The following FAM120A variants were observed in gnomAD, a reference collection of about 807,000 sequenced individuals.
The protein encoded by FAM120A is family with sequence similarity 120 member A.
A neutral mutation model predicts 109.7 loss-of-function variants in FAM120A; 15 were observed. The ratio of observed to expected loss-of-function variants is 0.14; its 90% CI spans 0.09 to 0.21. FAM120A has a LOEUF of 0.21. Ranked by LOEUF, FAM120A falls within the 10% of genes least tolerant of loss-of-function variation. FAM120A has a pLI of 1.00. For synonymous variants in FAM120A, 493 were observed against 572.8 expected, an observed-to-expected ratio of 0.86 and a Z score of 1.99; for missense variants, 899 against 1,439.3, an observed-to-expected ratio of 0.62 and a Z score of 6.07.
chr9:93,526,391 T>TA (rs1181053084), intron 7 of FAM120A, among the ~76,000 whole-genome samples: 2 of 152,212 alleles, frequency 1.3e-5, no homozygotes, highest in Non-Finnish European at 2.9e-5. Context: ...TCAGTTTTTT[T>TA]AAATGCTCAT....
intron 5 of FAM120A, among the ~76,000 whole-genome samples, chr9:93,510,161 T>C (rs530129105): frequency 1.3e-5 from 2 of 152,338 alleles, no homozygotes; most frequent in African/African-American, 4.8e-5. Context: ...ATTGGATTCT[T>C]CTGCTGGTGC....
rs185747800 is a variant in FAM120A, at chr9:93,507,370, A to G, written c.1031-8297A>G. Among the ~76,000 whole-genome samples the G allele has an allele frequency of 1.5e-3, 229 of 152,312 alleles. No individual in the cohort carries two copies. In the Middle Eastern group the frequency reaches 0.031, roughly 20 times the overall value. On this transcript the variant is annotated intron_variant, in intron 5 of 17. Transcript: ENST00000277165. Reference sequence around the variant, plus strand: ...AGCAGCTCAGGTGAGGATGCCATTAATGAGATAAAGATGGTTGGAGGAAGA... The same window carrying G: ...AGCAGCTCAGGTGAGGATGCCATTAGTGAGATAAAGATGGTTGGAGGAAGA...
intron 5 of FAM120A, among the ~76,000 whole-genome samples, chr9:93,512,686 C>G (rs1166858988): frequency 6.6e-6 from 1 of 152,204 alleles, no homozygotes; most frequent in Non-Finnish European, 1.5e-5. Context: ...TTCTGCTCAG[C>G]TGCACTTGGG....
At chr9:93,485,379 T>C (rs986863380) in intron 3 of FAM120A, among the ~76,000 whole-genome samples, 1 of 152,008 alleles carries the variant, frequency 6.6e-6, no homozygotes, top group Non-Finnish European at 1.5e-5. Flanking sequence ...GAAGATCACT[T>C]GAGTTCAGGA....
Position 93,564,619 on chromosome 9 carries a change from T to C in FAM120A, c.*79T>C. ...TCTGGAGAGAAAGAGAGCCTGCAGT[T>C]ATGTACATTTTGTCCTTTCCGTAAG... On this transcript the variant is annotated 3_prime_UTR_variant, in exon 18 of 18. Transcript: ENST00000277165. 8.2e-7 allele frequency: 1 copy of C among 1,223,916 alleles called. No homozygotes were observed. The highest frequency in any genetic ancestry group is 1.1e-6 in the Non-Finnish European group (1 of 879,708). The allele number at this position is 1,223,916 out of a possible 1,614,324, so 75.8% of individuals were successfully genotyped here.
At chr9:93,505,697 G>A (rs2131373701) in intron 5 of FAM120A, among the ~76,000 whole-genome samples, 1 of 152,290 alleles carries the variant, frequency 6.6e-6, no homozygotes, top group Admixed American at 6.5e-5. Flanking sequence ...TTAATTTTGA[G>A]GGTGGTTGAT....
At chr9:93,460,317 G>A (rs1053653332) in intron 1 of FAM120A, among the ~76,000 whole-genome samples, 2 of 152,120 alleles carry the variant, frequency 1.3e-5, no homozygotes, top group African/African-American at 4.8e-5. Flanking sequence ...TTATCTAAAT[G>A]TCTCCATATA....
chr9:93,551,307 G>C (rs1342777043), intron 12 of FAM120A, among the ~76,000 whole-genome samples: 1 of 152,016 alleles, frequency 6.6e-6, no homozygotes, highest in Non-Finnish European at 1.5e-5. Context: ...TTTTCTCCAA[G>C]TTGTCACCTA....
Position 93,561,216 on chromosome 9 carries a change from C to G in FAM120A, c.2914C>G (p.Leu972Val). 1 of 1,613,128 alleles carries G rather than the reference C, an allele frequency of 6.2e-7. No individual in the cohort carries two copies. Among genetic ancestry groups the G allele is most frequent in the Non-Finnish European group, 8.5e-7 (1 of 1,179,742 alleles). ...CCGTGGGGGCCGGGGGCCTTTCCCC[C>G]TGCAGGTGGTTTCTGTCGGAGGACC... ...RGRGGRGPFPLQVVSVGGPAR... is the reference protein window; with the variant it reads ...RGRGGRGPFPVQVVSVGGPAR... The change falls in exon 16 of 18, where the codon CTG becomes GTG. Residue 972 changes from leucine to valine, a missense_variant. Physicochemically the swap from Leu to Val is conservative, Grantham distance 32. This residue lies in a region of FAM120A where 170 missense variants were observed against 205.0 expected (regional missense o/e 0.83). Transcript: ENST00000277165.
chr9:93,461,820 G>A (rs1230204387), intron 1 of FAM120A, among the ~76,000 whole-genome samples: 3 of 152,108 alleles, frequency 2.0e-5, no homozygotes, highest in Non-Finnish European at 4.4e-5. Context: ...GAGCATTTTG[G>A]ATTTTTGATT....
intron 10 of FAM120A, among the ~76,000 whole-genome samples, chr9:93,538,173 T>C (rs1020036492): frequency 3.3e-5 from 5 of 152,072 alleles, no homozygotes; most frequent in Non-Finnish European, 7.4e-5. Flanking sequence ...TTCTGCTACA[T>C]GTCCTGTGCC....
At position 93,452,640 on chromosome 9, in the gene FAM120A, G is replaced by T; in HGVS notation, c.474+251G>T. 1.3e-6 allele frequency: 2 copies of T among 1,599,212 alleles called. No homozygotes were observed. The highest frequency in any genetic ancestry group is 1.1e-5 in the South Asian group (1 of 91,076). ...GGCCGCGTGGGGACACTTGAGGGCT[G>T]GGAGAGAGCCCCGGACCAGAATTCG... On this transcript the variant is annotated intron_variant, in intron 1 of 17. Transcript: ENST00000277165. The surrounding 1 kb of genome is among the most constrained non-coding windows in gnomAD (Gnocchi z 7.0).
intron 10 of FAM120A, among the ~76,000 whole-genome samples, chr9:93,533,400 G>C (rs1273720102): frequency 2.0e-5 from 3 of 152,230 alleles, no homozygotes; most frequent in African/African-American, 7.2e-5. Context: ...TGTCCTGAGA[G>C]TGATTGCTGA....
In FAM120A at chr9:93,543,296, C is replaced by T; in HGVS notation, c.1984C>T (p.Leu662Phe). 6.2e-7 allele frequency: 1 copy of T among 1,614,216 alleles called. No individual in the cohort carries two copies. Among genetic ancestry groups the T allele is most frequent in the Non-Finnish European group, 8.5e-7 (1 of 1,180,036 alleles). The change falls in exon 11 of 18, where the codon CTT (leucine) becomes TTT (phenylalanine). Residue 662 changes from leucine to phenylalanine, a missense_variant. Coordinates refer to ENST00000277165, the MANE Select transcript of FAM120A (RefSeq NM_014612.5). ...TCAAACCCCGGAACTGGTTGAAGCT[C>T]TTGCCTTCAGGGAGTGGACCTGCCC... The part of the protein sequence containing the change: ...SPQTPELVEA[L>F]AFREWTCPNL...
rs370203992 is a variant in FAM120A at position 93,459,175 on chromosome 9, A to G, written c.474+6786A>G. On this transcript the variant is annotated intron_variant, in intron 1 of 17. Transcript: ENST00000277165. ...TGGGAATACACACACAGCATGGTGT[A>G]TGTTTGCAGTGGACATTCTAGTCTG... is the stretch of plus-strand genomic sequence containing the variant. Among the ~76,000 whole-genome samples, 6 of 152,334 alleles carry G rather than the reference A, an allele frequency of 3.9e-5. No individual in the cohort carries two copies. The East Asian group carries it at 9.6e-4, about 24-fold the overall frequency.
At chr9:93,540,786 T>C (rs1861669152) in intron 10 of FAM120A, among the ~76,000 whole-genome samples, 1 of 152,198 alleles carries the variant, frequency 6.6e-6, no homozygotes, top group Non-Finnish European at 1.5e-5. Context: ...ATCTAGGGCC[T>C]TGCAGGACGA....
chr9:93,546,192 A>G (rs1282650381), intron 11 of FAM120A, among the ~76,000 whole-genome samples: 1 of 152,188 alleles, frequency 6.6e-6, no homozygotes, highest in East Asian at 1.9e-4. Context: ...TAGAAAGTTT[A>G]AGACTTTGGA....
At chr9:93,470,138 C>T (rs1489560526) in intron 1 of FAM120A, among the ~76,000 whole-genome samples, 1 of 152,108 alleles carries the variant, frequency 6.6e-6, no homozygotes, top group Non-Finnish European at 1.5e-5. Flanking sequence ...CCTCCAAGGC[C>T]CTGTGGAGAG....
Position 93,516,517 on chromosome 9 carries a change from C to G in FAM120A, c.1418+248C>G, listed in dbSNP as rs146394140. Among the ~76,000 whole-genome samples, 201 of 152,278 alleles carry G rather than the reference C, an allele frequency of 1.3e-3. 4 individuals are homozygous for G. The East Asian group carries it at 0.033, about 25-fold the overall frequency. ...CCCCATGGCCTGGAGCCACAGGAAA[C>G]TTTCTGGGGAGGAATTTGACAAGAA... On this transcript the variant is annotated intron_variant, in intron 7 of 17. Coordinates refer to ENST00000277165, the MANE Select transcript of FAM120A (RefSeq NM_014612.5).
Sources: gnomAD v4.1 joint callset for allele counts (sites outside exome capture counted in the v4.1 genomes callset) on GRCh38, gnomAD v4.1.1 for gene constraint, gnomAD v4.1.1 regional missense constraint, Gnocchi (gnomAD v3.1) non-coding constraint, MANE v1.5 for transcripts, NCBI Gene and HGNC (gene_info 2026-07-23, HGNC 2026-07-21) for gene names.